The following TRPM3 variants were observed in gnomAD, a reference collection of about 807,000 sequenced individuals.
TRPM3 encodes transient receptor potential cation channel subfamily M member 3.
A neutral mutation model predicts 181.2 loss-of-function variants in TRPM3; 77 were observed. That is an observed-to-expected ratio of 0.42 (90% CI 0.35 to 0.51). The LOEUF (loss-of-function observed/expected upper bound fraction) is 0.51. TRPM3 is among the 20% of genes least tolerant of loss of function. TRPM3 has a pLI of 0.01. For synonymous variants in TRPM3, 745 were observed against 796.4 expected (o/e 0.94, Z 1.09); for missense variants, 1,759 against 2,196.7 (o/e 0.80, Z 3.98).
At chr9:71,188,084 G>A (rs1212622407) in intron 1 of TRPM3, among the ~76,000 whole-genome samples, 2 of 151,730 alleles carry the variant, frequency 1.3e-5, no homozygotes, top group Non-Finnish European at 2.9e-5. Flanking sequence ...AAACATCCTT[G>A]CACACCTTCC....
chr9:71,246,611 C>A (rs4744626), intron 1 of TRPM3, among the ~76,000 whole-genome samples: 102,909 of 152,128 alleles, frequency 0.68, 34,915 homozygotes, highest in African/African-American at 0.69. Context: ...TTTAATAGCC[C>A]TTTATACAAA....
intron 1 of TRPM3, among the ~76,000 whole-genome samples, chr9:70,975,199 C>G (rs1329842169): frequency 6.6e-6 from 1 of 152,122 alleles, no homozygotes; most frequent in Non-Finnish European, 1.5e-5. Flanking sequence ...AAGCTAAAGA[C>G]AATTTTAATG....
intron 1 of TRPM3, among the ~76,000 whole-genome samples, chr9:71,040,617 A>G (rs758677407): frequency 2.0e-5 from 3 of 152,234 alleles, no homozygotes. Context: ...ATAAACATCA[A>G]TGGATGCCAA....
chr9:71,129,319 T>C (rs1314293695), intron 1 of TRPM3, among the ~76,000 whole-genome samples: 3 of 152,212 alleles, frequency 2.0e-5, no homozygotes, highest in African/African-American at 4.8e-5. Context: ...TACATGGATT[T>C]TGAAATCAGG....
chr9:71,004,951 A>G (rs1487654066), intron 1 of TRPM3, among the ~76,000 whole-genome samples: 2 of 152,218 alleles, frequency 1.3e-5, no homozygotes, highest in African/African-American at 4.8e-5. Context: ...AATAAAAAAG[A>G]AGAGTAAAGA....
intron 1 of TRPM3, among the ~76,000 whole-genome samples, chr9:71,281,974 T>A (rs1266839121): frequency 6.6e-6 from 1 of 151,756 alleles, no homozygotes; most frequent in Admixed American, 6.6e-5. Context: ...GGCAGGAGAA[T>A]CACTTGAACC....
At chr9:71,181,669 A>G (rs1435391176) in intron 1 of TRPM3, among the ~76,000 whole-genome samples, 1 of 152,130 alleles carries the variant, frequency 6.6e-6, no homozygotes, top group Admixed American at 6.6e-5. Context: ...TCTTTGAAAC[A>G]AAAAAGTGAT....
At chr9:70,628,772 T>C (rs1201457825) in intron 12 of TRPM3, among the ~76,000 whole-genome samples, 1 of 140,230 alleles carries the variant, frequency 7.1e-6, no homozygotes, top group Non-Finnish European at 1.5e-5. Flanking sequence ...TGAGCCGAGA[T>C]TGCACCACTG....
chr9:70,863,160 G>C, intron 2 of TRPM3, 48 bp from the exon 3 acceptor site: 1 of 1,540,616 alleles, frequency 6.5e-7, no homozygotes, highest in African/African-American at 1.4e-5. Flanking sequence ...GTCACTATTG[G>C]GATACACACT....
chr9:70,789,022 G>A, intron 6 of TRPM3, among the ~76,000 whole-genome samples: 1 of 152,090 alleles, frequency 6.6e-6, no homozygotes, highest in East Asian at 1.9e-4. Context: ...GGGGACTCCT[G>A]GTTAGGATAT....
intron 1 of TRPM3, among the ~76,000 whole-genome samples, chr9:71,279,804 G>A (rs1202073249): frequency 6.6e-6 from 1 of 152,112 alleles, no homozygotes; most frequent in Non-Finnish European, 1.5e-5. Flanking sequence ...CCGGCCGGGC[G>A]CGGTGGCTCA....
intron 9 of TRPM3, among the ~76,000 whole-genome samples, chr9:70,677,921 ATTT>A (rs35877978): frequency 0.025 from 3,583 of 144,482 alleles, 139 homozygotes; most frequent in African/African-American, 0.08. Flanking sequence ...ATAATAAACA[ATTT>A]TTTTTTTTTT....
chr9:71,259,861 T>C (rs1397663900), intron 1 of TRPM3, among the ~76,000 whole-genome samples: 1 of 152,194 alleles, frequency 6.6e-6, no homozygotes. Flanking sequence ...TGATAGTCTC[T>C]TCTGTTGTGC....
rs2081193008 is a variant in TRPM3, at chr9:70,775,556, G to T, written c.1148+8549C>A. 5 of 152,268 alleles carry T rather than the reference G, an allele frequency of 3.3e-5. 2 individuals are homozygous for T. The Middle Eastern group carries it at 0.017, about 518-fold the overall frequency. The allele number at this position is 152,268 out of a possible 1,614,324, so 9.4% of individuals were successfully genotyped here. A position where few individuals can be genotyped will look rare whatever the true frequency, so the allele number is the denominator to read the frequency against. On this transcript the variant is annotated intron_variant, in intron 7 of 25. Transcript: ENST00000677713. ...CTGTAGGTCAGGGGTCTTCAATGGA[G>T]TTTCACAAAGAAGCCCCCGGAATTT...
At chr9:71,406,783 G>A (rs1485378281) in intron 1 of TRPM3, among the ~76,000 whole-genome samples, 1 of 152,088 alleles carries the variant, frequency 6.6e-6, no homozygotes, top group Non-Finnish European at 1.5e-5. Flanking sequence ...CTTAGAAAGT[G>A]GAAGTGACAG....
intron 1 of TRPM3, among the ~76,000 whole-genome samples, chr9:70,873,509 T>G (rs755215115): frequency 3.3e-5 from 5 of 152,002 alleles, no homozygotes; most frequent in Non-Finnish European, 7.4e-5. Context: ...CAAACCAAAT[T>G]ATTGATTATT....
intron 1 of TRPM3, among the ~76,000 whole-genome samples, chr9:71,313,404 A>C (rs1368949628): frequency 6.6e-6 from 1 of 152,156 alleles, no homozygotes; most frequent in Non-Finnish European, 1.5e-5. Flanking sequence ...GTTTTATAAG[A>C]TAATCTTACA....
chr9:70,548,690 G>C (rs1017707323), intron 25 of TRPM3, among the ~76,000 whole-genome samples: 1 of 152,170 alleles, frequency 6.6e-6, no homozygotes, highest in African/African-American at 2.4e-5. Flanking sequence ...GTGTTCTTCG[G>C]AACAGTGGTT....
intron 1 of TRPM3, among the ~76,000 whole-genome samples, chr9:71,361,230 G>A (rs1051056132): frequency 6.6e-6 from 1 of 152,076 alleles, no homozygotes; most frequent in Non-Finnish European, 1.5e-5. Context: ...CAGGTGATCC[G>A]CCCACCTCAG....
Sources: gnomAD v4.1 joint callset for allele counts (sites outside exome capture counted in the v4.1 genomes callset) on GRCh38, gnomAD v4.1.1 for gene constraint, MANE v1.5 for transcripts, NCBI Gene and HGNC (gene_info 2026-07-23, HGNC 2026-07-21) for gene names.